The following TBC1D31 variants were observed in gnomAD, a reference collection of about 807,000 sequenced individuals.
The protein encoded by TBC1D31 is WD repeat domain 67.
In TBC1D31, 99 loss-of-function variants were observed where a neutral mutation model predicts 132.9. The observed-to-expected ratio is 0.74, with a 90% CI of 0.63 to 0.88. TBC1D31 has a LOEUF of 0.88. Ranked by LOEUF, TBC1D31 falls within the 40% of genes least tolerant of loss-of-function variation. The pLI is 0.00. For synonymous variants in TBC1D31, 385 were observed against 419.4 expected, an observed-to-expected ratio of 0.92 and a Z score of 1.00; for missense variants, 1,134 against 1,256.6, an observed-to-expected ratio of 0.90 and a Z score of 1.48.
chr8:123,084,275 T>A lies in TBC1D31; in HGVS notation c.454T>A (p.Trp152Arg), dbSNP rs370099257. 1 of 1,614,064 alleles carries A rather than the reference T, an allele frequency of 6.2e-7. No homozygotes were observed. The highest frequency in any genetic ancestry group is 1.3e-5 in the African/African-American group (1 of 74,926). ...AACTTCTTCTGATACAGCACAATTA[T>A]GGGACTTGGATACCTTTCAGAGAAA... ...ITTSSDTAQL[W>R]DLDTFQRKRK... The change falls in exon 4 of 22, where the codon TGG (tryptophan) becomes AGG (arginine). Residue 152 changes from tryptophan to arginine, a missense_variant. Trp to Arg is a moderately radical substitution (Grantham distance 101). Transcript: ENST00000287380.
chr8:123,101,782 A>G (rs534826478), intron 7 of TBC1D31, among the ~76,000 whole-genome samples: 2 of 152,262 alleles, frequency 1.3e-5, no homozygotes, highest in South Asian at 2.1e-4. Context: ...CTATCCTTGT[A>G]TTGGTCTTCA....
downstream of TBC1D31, among the ~76,000 whole-genome samples, chr8:123,153,464 A>C (rs1331776800): frequency 6.6e-6 from 1 of 152,210 alleles, no homozygotes; most frequent in Non-Finnish European, 1.5e-5. Flanking sequence ...GTGAAAGTGC[A>C]CTATGAATGC....
In TBC1D31 at chr8:123,084,325, T is replaced by C. The variant is rs1815490749; in HGVS notation, c.504T>C (p.Ser168=). ...QRKRKLNIRQ[S]VGIQKVFFLP... is the part of the protein sequence containing the mutation. ...AAAGAAAGCTGAATATTCGCCAGTCTGTGGGTATACAGAAGGTCAGTGAGG... is the reference window on the plus strand; with the variant it reads ...AAAGAAAGCTGAATATTCGCCAGTCCGTGGGTATACAGAAGGTCAGTGAGG... The change falls in exon 4 of 22, where the codon TCT becomes TCC. Residue 168 remains serine (S), a synonymous_variant. Transcript: ENST00000287380. The C allele has an allele frequency of 1.2e-6, 2 of 1,614,154 alleles. No homozygotes were observed. Among genetic ancestry groups the C allele is most frequent in the African/African-American group, 1.3e-5 (1 of 75,052 alleles).
At chr8:123,101,450 C>T (rs60957496) in intron 7 of TBC1D31, among the ~76,000 whole-genome samples, 33,061 of 152,070 alleles carry the variant, frequency 0.22, 3,933 homozygotes, top group African/African-American at 0.33. Context: ...GTTTTGCTCT[C>T]ATTGCCCAGG....
At chr8:123,110,073 G>A (rs1179032660) in intron 10 of TBC1D31, among the ~76,000 whole-genome samples, 4 of 152,134 alleles carry the variant, frequency 2.6e-5, no homozygotes, top group East Asian at 3.8e-4. Context: ...CAGCCTGGGC[G>A]ACAGGGCAAG....
At chr8:123,134,484 A>G (rs1820902544) in intron 17 of TBC1D31, among the ~76,000 whole-genome samples, 2 of 152,030 alleles carry the variant, frequency 1.3e-5, no homozygotes, top group Non-Finnish European at 1.5e-5. Context: ...CCATAATCAC[A>G]TCACTGTACT....
At chr8:123,160,227 G>A in the TBC1D31 span, among the ~76,000 whole-genome samples, 1 of 152,102 alleles carries the variant, frequency 6.6e-6, no homozygotes, top group African/African-American at 2.4e-5. Context: ...AGTACTAGTC[G>A]GGTATTTTGT....
intron 12 of TBC1D31, 135 bp downstream of exon 12, chr8:123,126,324 T>C: frequency 7.8e-7 from 1 of 1,274,520 alleles, no homozygotes; most frequent in Non-Finnish European, 1.1e-6. Context: ...TATTCCATTC[T>C]TTTTCTTCAT....
chr8:123,147,640 C>G (rs1215567127), intron 20 of TBC1D31, among the ~76,000 whole-genome samples: 2 of 152,156 alleles, frequency 1.3e-5, no homozygotes, highest in African/African-American at 4.8e-5. Flanking sequence ...TTTGGCAGAC[C>G]AGTCAGCCAT....
chr8:123,089,004 G>A (rs374124618), intron 4 of TBC1D31, among the ~76,000 whole-genome samples: 178 of 152,220 alleles, frequency 1.2e-3, no homozygotes, highest in African/African-American at 3.5e-3. Context: ...TTTATCTTAT[G>A]TATGGGAAAA....
At chr8:123,117,419 A>T (rs1350985239) in intron 10 of TBC1D31, among the ~76,000 whole-genome samples, 1 of 152,064 alleles carries the variant, frequency 6.6e-6, no homozygotes, top group South Asian at 2.1e-4. Flanking sequence ...TTTGTAGTAG[A>T]TAAACTCAGC....
chr8:123,140,352 ACT>A (rs1821527606), intron 17 of TBC1D31, among the ~76,000 whole-genome samples: 1 of 152,108 alleles, frequency 6.6e-6, no homozygotes, highest in Non-Finnish European at 1.5e-5. Flanking sequence ...ACACAGTGAG[ACT>A]CTGTCTCAAA....
chr8:123,159,444 A>G, the TBC1D31 span, among the ~76,000 whole-genome samples: 1 of 152,180 alleles, frequency 6.6e-6, no homozygotes, highest in African/African-American at 2.4e-5. Context: ...CAAGAGTATG[A>G]GACTATTTCT....
intron 1 of TBC1D31, among the ~76,000 whole-genome samples, chr8:123,076,324 T>G (rs1392139486): frequency 7.6e-6 from 1 of 131,044 alleles, no homozygotes; most frequent in Non-Finnish European, 1.6e-5. Context: ...TTATTTTTTC[T>G]TTTAATTGTG....
In TBC1D31 at chr8:123,140,801, G is replaced by A. The variant is rs774629373; in HGVS notation, c.2540G>A (p.Arg847Gln). 13 of 1,610,870 alleles carry A rather than the reference G, an allele frequency of 8.1e-6. No homozygotes were observed. The highest frequency in any genetic ancestry group is 4.0e-5 in the African/African-American group (3 of 74,690). ...ENQEALAKEM[R>Q]ADADAYRRKV... is the part of the protein sequence containing the mutation. ...CAAGAAGCTCTTGCAAAAGAAATGC[G>A]AGCAGATGCAGATGCCTATAGACGA... The change falls in exon 18 of 22, where the codon CGA becomes CAA. Residue 847 changes from arginine (R) to glutamine (Q), a missense_variant. Arg to Gln is a conservative substitution (Grantham distance 43, BLOSUM62 1). Transcript: ENST00000287380.
intron 4 of TBC1D31, among the ~76,000 whole-genome samples, chr8:123,088,817 A>G (rs1816049346): frequency 6.6e-6 from 1 of 151,882 alleles, no homozygotes; most frequent in African/African-American, 2.4e-5. Context: ...CATGACATTA[A>G]TTTTCTGGAG....
chr8:123,157,482 G>A, the TBC1D31 span, among the ~76,000 whole-genome samples: 2 of 152,134 alleles, frequency 1.3e-5, no homozygotes, highest in African/African-American at 4.8e-5. Flanking sequence ...GCTTGTCAAT[G>A]CCTCACTGGG....
the TBC1D31 span, among the ~76,000 whole-genome samples, chr8:123,157,233 C>T: frequency 2.6e-5 from 4 of 152,244 alleles, no homozygotes; most frequent in South Asian, 2.1e-4. Flanking sequence ...ATTATTGTGC[C>T]CCGTGTGAGG....
At chr8:123,149,758 G>T (rs898668156) in intron 20 of TBC1D31, among the ~76,000 whole-genome samples, 3 of 152,306 alleles carry the variant, frequency 2.0e-5, no homozygotes, top group Admixed American at 6.5e-5. Context: ...ATCACATTTC[G>T]TAATCTCTAT....
Sources: allele counts gnomAD v4.1 joint callset (sites outside exome capture counted in the v4.1 genomes callset), GRCh38; gene constraint gnomAD v4.1.1; transcripts MANE v1.5; gene names NCBI Gene and HGNC (gene_info 2026-07-23, HGNC 2026-07-21).